Variants in ANKRD22 observed in about 807,000 individuals in gnomAD.
The protein encoded by ANKRD22 is ankyrin repeat domain 22, also known as ankyrin repeat domain-containing protein 22.
In ANKRD22, 24 loss-of-function variants were observed where a neutral mutation model predicts 25.7. The observed-to-expected ratio is 0.93, with a 90% CI of 0.68 to 1.31. The LOEUF is 1.31. Ranked by LOEUF, ANKRD22 falls within the 50% of genes most tolerant of loss-of-function variation. The pLI is 0.00. For missense variants in ANKRD22, 214 were observed against 227.1 expected, an observed-to-expected ratio of 0.94 and a Z score of 0.37; for synonymous variants, 84 against 84.3, an observed-to-expected ratio of 1.00 and a Z score of 0.02.
chr10:88,843,265 A>G (rs1003137158), intron 1 of ANKRD22, among the ~76,000 whole-genome samples: 1 of 152,184 alleles, frequency 6.6e-6, no homozygotes, highest in Non-Finnish European at 1.5e-5. Context: ...TCATTCACAT[A>G]TATAGAAACG....
intron 1 of ANKRD22, among the ~76,000 whole-genome samples, chr10:88,848,022 G>T (rs1240355956): frequency 6.6e-6 from 1 of 151,720 alleles, no homozygotes; most frequent in Non-Finnish European, 1.5e-5. Context: ...CCTGCATTTT[G>T]ACTGTGACCC....
chr10:88,834,468 C>T (rs889761989), intron 1 of ANKRD22, among the ~76,000 whole-genome samples: 7 of 152,254 alleles, frequency 4.6e-5, no homozygotes, highest in Middle Eastern at 3.4e-3. Context: ...GAGTGATTAG[C>T]AGTGAGCACT....
At chr10:88,825,676 C>A (rs1211968799) in intron 4 of ANKRD22, among the ~76,000 whole-genome samples, 1 of 152,214 alleles carries the variant, frequency 6.6e-6, no homozygotes, top group African/African-American at 2.4e-5. Context: ...ACAACTTGCT[C>A]AAACTCATAG....
chr10:88,829,143 T>C (rs1359517217), intron 2 of ANKRD22, among the ~76,000 whole-genome samples: 1 of 152,334 alleles, frequency 6.6e-6, no homozygotes, highest in East Asian at 1.9e-4. Flanking sequence ...TAACTCAATT[T>C]TATTCTTCAA....
intron 1 of ANKRD22, among the ~76,000 whole-genome samples, chr10:88,834,070 C>T (rs762390593): frequency 3.9e-5 from 6 of 152,234 alleles, no homozygotes; most frequent in East Asian, 1.9e-4. Flanking sequence ...ACCAACAAAT[C>T]TTCCACATCA....
chr10:88,820,614 C>A lies in ANKRD22; in HGVS notation c.*2327G>T. Reference sequence around the variant, plus strand: ...GTATACATTTTTCAGATTCCCTGCACTTGGCACTAAATCCGACACTTACAT... The same window carrying A: ...GTATACATTTTTCAGATTCCCTGCAATTGGCACTAAATCCGACACTTACAT... On this transcript the variant is annotated 3_prime_UTR_variant, in exon 6 of 6. Transcript: ENST00000371930. 1 of 1,040,898 alleles carries A rather than the reference C, an allele frequency of 9.6e-7. No individual in the cohort carries two copies. Among genetic ancestry groups the A allele is most frequent in the Non-Finnish European group, 1.4e-6 (1 of 740,620 alleles). The allele number at this position is 1,040,898 out of a possible 1,614,324, so 64.5% of individuals were successfully genotyped here.
chr10:88,830,820 T>C (rs1288375072), intron 2 of ANKRD22, among the ~76,000 whole-genome samples: 2 of 152,202 alleles, frequency 1.3e-5, no homozygotes, highest in Non-Finnish European at 2.9e-5. Context: ...CAGACATCTG[T>C]CTTCTGGCAC....
chr10:88,843,013 A>G (rs995733194), intron 1 of ANKRD22, among the ~76,000 whole-genome samples: 1 of 152,148 alleles, frequency 6.6e-6, no homozygotes, highest in Non-Finnish European at 1.5e-5. Flanking sequence ...ATTCAAATGT[A>G]TGATGACTTT....
At position 88,831,993 on chromosome 10, in the gene ANKRD22, CAA is replaced by C. The variant is rs748104654; in HGVS notation, c.53_54del (p.Phe18TrpfsTer21). On this transcript the variant is annotated frameshift_variant, in exon 2 of 6. Transcript: ENST00000371930. LOFTEE classifies it high-confidence loss of function. ...TCTTTCACCCACCGCCACACTTGTC[CAA>C]AGTCATTCTGATAGGCTGCTTGGCA... ...PICQAAYQND[F>X]GQVWRWVKED... 1.9e-6 allele frequency: 3 copies of C among 1,612,852 alleles called. No homozygotes were observed. The South Asian group carries it at 3.3e-5, about 18-fold the overall frequency.
At chr10:88,850,691 C>G (rs1160721093) in intron 1 of ANKRD22, among the ~76,000 whole-genome samples, 1 of 151,996 alleles carries the variant, frequency 6.6e-6, no homozygotes, top group African/African-American at 2.4e-5. Flanking sequence ...GTATATGATC[C>G]CTTCATGAGG....
intron 1 of ANKRD22, among the ~76,000 whole-genome samples, chr10:88,833,809 C>T (rs191984992): frequency 9.3e-4 from 142 of 152,314 alleles, no homozygotes; most frequent in African/African-American, 3.3e-3. Flanking sequence ...CTTTACTAAG[C>T]TTTCCAACAG....
chr10:88,821,180 C>T lies in ANKRD22; in HGVS notation c.*1761G>A, dbSNP rs1306368930. ...TCCAAGCTTGTTGGAAGGTTTACAG[C>T]TTGTTGCTAGGAGACCTAATGACTA... On this transcript the variant is annotated 3_prime_UTR_variant, in exon 6 of 6. Coordinates refer to ENST00000371930, the MANE Select transcript of ANKRD22 (RefSeq NM_144590.3). Among the ~76,000 whole-genome samples the T allele has an allele frequency of 2.0e-5, 3 of 152,206 alleles. No individual in the cohort carries two copies. The highest frequency in any genetic ancestry group is 4.4e-5 in the Non-Finnish European group (3 of 68,030).
intron 2 of ANKRD22, among the ~76,000 whole-genome samples, chr10:88,830,929 G>A (rs1355900599): frequency 6.6e-6 from 1 of 152,202 alleles, no homozygotes; most frequent in Admixed American, 6.5e-5. Flanking sequence ...ATTCAGCACA[G>A]GCATGACTTG....
chr10:88,851,533 A>C (rs1387332160), intron 1 of ANKRD22, 54 bp downstream of exon 1: 1 of 1,598,358 alleles, frequency 6.3e-7, no homozygotes, highest in Non-Finnish European at 8.6e-7. Context: ...GCATCTGAAA[A>C]GCATGAGTAA....
intron 4 of ANKRD22, among the ~76,000 whole-genome samples, chr10:88,825,777 T>C (rs1843849906): frequency 6.6e-6 from 1 of 152,240 alleles, no homozygotes; most frequent in Admixed American, 6.5e-5. Flanking sequence ...ATCGGAGCCT[T>C]AGTTTTCCTT....
At position 88,832,022 on chromosome 10, in the gene ANKRD22, A is replaced by T. The variant is rs1843908813; in HGVS notation, c.26T>A (p.Ile9Asn). Residue 9 changes from isoleucine to asparagine, a missense_variant, in exon 2 of 6, where the codon ATC (isoleucine) becomes AAC (asparagine). Ile to Asn is a moderately radical substitution (Grantham distance 149). Coordinates refer to ENST00000371930, the MANE Select transcript of ANKRD22 (RefSeq NM_144590.3). MGILYSEP[I>N]CQAAYQNDFG... ...GTCATTCTGATAGGCTGCTTGGCAG[A>T]TGGGCTGGGTCGGGAAAAACAAAAG... 1 of 1,604,636 alleles carries T rather than the reference A, an allele frequency of 6.2e-7. No individual in the cohort carries two copies.
At chr10:88,826,872 A>T (rs1401182263) in intron 3 of ANKRD22, among the ~76,000 whole-genome samples, 1 of 152,308 alleles carries the variant, frequency 6.6e-6, no homozygotes, top group East Asian at 1.9e-4. Flanking sequence ...GGGGTAAAAA[A>T]CTATGCCTAT....
At chr10:88,828,736 C>G (rs1843878519) in intron 2 of ANKRD22, 70 bp from the exon 3 acceptor site, 2 of 1,196,488 alleles carry the variant, frequency 1.7e-6, no homozygotes, top group Non-Finnish European at 1.2e-6. Flanking sequence ...ATGGCCATCT[C>G]AAAAAGTTTA....
At chr10:88,834,772 T>A (rs1843937526) in intron 1 of ANKRD22, among the ~76,000 whole-genome samples, 1 of 151,710 alleles carries the variant, frequency 6.6e-6, no homozygotes, top group Non-Finnish European at 1.5e-5. Context: ...CCATCCCTAT[T>A]AAAAATACAA....
Sources: allele counts gnomAD v4.1 joint callset (sites outside exome capture counted in the v4.1 genomes callset), GRCh38; gene constraint gnomAD v4.1.1; transcripts MANE v1.5; gene names NCBI Gene and HGNC (gene_info 2026-07-23, HGNC 2026-07-21).